The following TENM3 variants were observed in gnomAD, a reference collection of about 807,000 sequenced individuals.
TENM3 encodes teneurin transmembrane protein 3, also known as teneurin-3.
Under a neutral mutation model 255.1 loss-of-function variants are expected in TENM3, and 63 were observed. The ratio of observed to expected loss-of-function variants is 0.25; its 90% confidence interval spans 0.20 to 0.30. TENM3 has a LOEUF of 0.30. Ranked by LOEUF, TENM3 falls within the 10% of genes least tolerant of loss-of-function variation. TENM3 has a pLI of 1.00. For missense variants in TENM3, 2,929 were observed against 3,461.1 expected (o/e 0.85, Z 3.86); for synonymous variants, 1,306 against 1,322.3 (o/e 0.99, Z 0.27).
the TENM3 span, among the ~76,000 whole-genome samples, chr4:181,822,369 T>C: frequency 5.0e-3 from 760 of 152,302 alleles, 3 homozygotes; most frequent in Non-Finnish European, 8.5e-3. Flanking sequence ...TGATTGGAGT[T>C]TTTGGTGAAG....
chr4:181,878,938 C>G, the TENM3 span, among the ~76,000 whole-genome samples: 1 of 152,164 alleles, frequency 6.6e-6, no homozygotes, highest in Non-Finnish European at 1.5e-5. Context: ...TCAGTGTTGT[C>G]TCTGTTCTTG....
chr4:181,927,720 C>T, the TENM3 span, among the ~76,000 whole-genome samples: 4 of 152,212 alleles, frequency 2.6e-5, no homozygotes, highest in Admixed American at 2.6e-4. Flanking sequence ...CCCCATGCCT[C>T]ATAACTGGGA....
rs865940425 is a variant in TENM3, at chr4:182,517,626, G to A, written c.512-83298G>A. ...TCTCGATCTCCTGACCTCGTGATCC[G>A]CCCGCCTCGGCCTCCCAAAGTGCTG... On this transcript the variant is annotated intron_variant, in intron 3 of 27. Transcript: ENST00000511685. Among the ~76,000 whole-genome samples, 22 of 129,882 alleles carry A rather than the reference G, an allele frequency of 1.7e-4. 3 individuals carry two copies. The highest frequency in any genetic ancestry group is 4.7e-4 in the Admixed American group (6 of 12,878). 85.2% of individuals were successfully genotyped at this position (129,882 alleles called of 152,430 possible).
the TENM3 span, among the ~76,000 whole-genome samples, chr4:182,031,838 A>G: frequency 6.6e-6 from 1 of 152,010 alleles, no homozygotes; most frequent in Non-Finnish European, 1.5e-5. Context: ...TTCATTTATG[A>G]TTTGGCTCTG....
chr4:182,582,375 T>TC (rs1343769494), intron 3 of TENM3, among the ~76,000 whole-genome samples: 5 of 152,156 alleles, frequency 3.3e-5, no homozygotes, highest in Non-Finnish European at 7.4e-5. Flanking sequence ...GTACATTTTT[T>TC]CCCACTTGTG....
Position 182,365,219 on chromosome 4 carries a change from G to A in TENM3, c.511+18290G>A, listed in dbSNP as rs189041303. On this transcript the variant is annotated intron_variant, in intron 3 of 27. Coordinates refer to ENST00000511685, the MANE Select transcript of TENM3 (RefSeq NM_001080477.4). Reference sequence around the variant, plus strand: ...CTTCTTTTGTGAATTGCCAGTTCTTGCCTCTGTCCCTTATTCTGTGTGGAT... The same window carrying A: ...CTTCTTTTGTGAATTGCCAGTTCTTACCTCTGTCCCTTATTCTGTGTGGAT... Among the ~76,000 whole-genome samples the A allele has an allele frequency of 3.9e-5, 6 of 152,288 alleles. 1 individual carries two copies. Among genetic ancestry groups the A allele is most frequent in the African/African-American group, 1.4e-4 (6 of 41,550 alleles).
chr4:182,461,704 A>G (rs954859727), intron 3 of TENM3, among the ~76,000 whole-genome samples: 19 of 152,184 alleles, frequency 1.2e-4, no homozygotes, highest in African/African-American at 4.3e-4. Flanking sequence ...AGAACAGTTT[A>G]CCAAAGTAAA....
chr4:181,873,365 G>A, the TENM3 span, among the ~76,000 whole-genome samples: 95 of 151,932 alleles, frequency 6.3e-4, no homozygotes, highest in South Asian at 2.1e-3. Context: ...CACCACGCCC[G>A]GCCTAATATA....
chr4:181,922,985 G>A, the TENM3 span, among the ~76,000 whole-genome samples: 220 of 152,074 alleles, frequency 1.4e-3, no homozygotes, highest in Non-Finnish European at 2.4e-3. Context: ...CCTTCATTTC[G>A]TTATGTACCC....
chr4:182,137,345 A>G, the TENM3 span, among the ~76,000 whole-genome samples: 1 of 133,274 alleles, frequency 7.5e-6, no homozygotes, highest in East Asian at 2.1e-4. Context: ...CCCCCCCCCA[A>G]AAAGGAATGA....
At chr4:182,133,697 G>T in the TENM3 span, among the ~76,000 whole-genome samples, 4 of 152,202 alleles carry the variant, frequency 2.6e-5, no homozygotes, top group African/African-American at 9.6e-5. Context: ...ATTTTCAGCT[G>T]GAATTTCTTC....
At chr4:182,593,100 GT>G (rs1746835237) in intron 3 of TENM3, among the ~76,000 whole-genome samples, 1 of 152,044 alleles carries the variant, frequency 6.6e-6, no homozygotes, top group Non-Finnish European at 1.5e-5. Flanking sequence ...TGTACTTTCT[GT>G]TTTAGGCAAT....
At chr4:181,582,553 A>G in the TENM3 span, among the ~76,000 whole-genome samples, 30 of 152,026 alleles carry the variant, frequency 2.0e-4, no homozygotes, top group Middle Eastern at 3.4e-3. Context: ...AGGCTGGGGC[A>G]GGAGAATCGC....
At chr4:181,588,173 C>T in the TENM3 span, among the ~76,000 whole-genome samples, 8 of 152,180 alleles carry the variant, frequency 5.3e-5, no homozygotes, top group Admixed American at 3.3e-4. Context: ...GGCCTCTGCT[C>T]GCAGTCCCGC....
intron 1 of TENM3, among the ~76,000 whole-genome samples, chr4:182,219,793 G>A (rs960769204): frequency 1.3e-5 from 2 of 152,156 alleles, no homozygotes; most frequent in African/African-American, 4.8e-5. Context: ...TCATGCAAAT[G>A]GACACTTATC....
the TENM3 span, among the ~76,000 whole-genome samples, chr4:181,469,215 C>T: frequency 6.6e-6 from 1 of 152,084 alleles, no homozygotes; most frequent in Non-Finnish European, 1.5e-5. Flanking sequence ...ACAATATAAT[C>T]TTGGTCATAT....
intron 1 of TENM3, among the ~76,000 whole-genome samples, chr4:182,272,395 C>G (rs952545819): frequency 1.9e-4 from 29 of 152,160 alleles, no homozygotes; most frequent in African/African-American, 6.8e-4. Context: ...ATGGTGATGA[C>G]AGACTTGCTG....
intron 4 of TENM3, among the ~76,000 whole-genome samples, chr4:182,622,098 C>T (rs964753569): frequency 2.6e-5 from 4 of 151,782 alleles, no homozygotes; most frequent in East Asian, 1.9e-4. Context: ...TGGTGGCCCA[C>T]GCCTGTAATC....
chr4:181,539,050 C>G, the TENM3 span, among the ~76,000 whole-genome samples: 1,933 of 152,272 alleles, frequency 0.013, 33 homozygotes, highest in African/African-American at 0.043. Flanking sequence ...AAATCCAACA[C>G]TTATCGTTCC....
Sources: gnomAD v4.1 joint callset for allele counts (sites outside exome capture counted in the v4.1 genomes callset) on GRCh38, gnomAD v4.1.1 for gene constraint, MANE v1.5 for transcripts, NCBI Gene and HGNC (gene_info 2026-07-23, HGNC 2026-07-21) for gene names.